The following RCSD1 variants were observed in gnomAD, a reference collection of about 807,000 sequenced individuals.
RCSD1 encodes the protein RCSD domain containing 1.
In RCSD1, 26 loss-of-function variants were observed where a neutral mutation model predicts 42.5. The ratio of observed to expected loss-of-function variants is 0.61; its 90% CI spans 0.45 to 0.85. The LOEUF is 0.85. Ranked by LOEUF, RCSD1 falls within the 40% of genes least tolerant of loss-of-function variation. The pLI is 0.00. For synonymous variants in RCSD1, 220 were observed against 212.2 expected (o/e 1.04, Z -0.32); for missense variants, 571 against 528.3 (o/e 1.08, Z -0.79).
chr1:167,652,386 T>C (rs1013535743), intron 1 of RCSD1, among the ~76,000 whole-genome samples: 1 of 152,064 alleles, frequency 6.6e-6, no homozygotes, highest in Non-Finnish European at 1.5e-5. Context: ...TGGAGAGGAT[T>C]TAAGTTTAAA....
At chr1:167,655,536 G>C (rs931785882) in intron 1 of RCSD1, among the ~76,000 whole-genome samples, 6 of 152,252 alleles carry the variant, frequency 3.9e-5, no homozygotes, top group African/African-American at 7.2e-5. Context: ...TGACCTGCGT[G>C]TGCCATCCCA....
Position 167,705,061 on chromosome 1 carries a change from GCT to G in RCSD1, c.*366_*367del. 1 of 115,084 alleles carries G rather than the reference GCT, an allele frequency of 8.7e-6. No individual in the cohort carries two copies. Among genetic ancestry groups the G allele is most frequent in the Non-Finnish European group, 1.9e-5 (1 of 52,218 alleles). The allele number at this position is 115,084 out of a possible 1,614,324, so 7.1% of individuals were successfully genotyped here. A position where few individuals can be genotyped will look rare whatever the true frequency, so the allele number is the denominator to read the frequency against. ...CCCACCTATCCCTGCAGCTAATTTA[GCT>G]GATCTCTAATTTAACTGAGCTCTAA... On this transcript the variant is annotated 3_prime_UTR_variant, in exon 7 of 7. Transcript: ENST00000367854.
At chr1:167,636,325 T>C (rs1657849774) in intron 1 of RCSD1, among the ~76,000 whole-genome samples, 1 of 152,096 alleles carries the variant, frequency 6.6e-6, no homozygotes, top group South Asian at 2.1e-4. Flanking sequence ...CCTTAATGAA[T>C]AGTATTAGAA....
intron 1 of RCSD1, among the ~76,000 whole-genome samples, chr1:167,682,283 C>T (rs1659100599): frequency 6.6e-6 from 1 of 151,912 alleles, no homozygotes; most frequent in African/African-American, 2.4e-5. Context: ...AATTCTCCTG[C>T]CTCAGCCTCC....
At chr1:167,656,774 T>G (rs761955749) in intron 1 of RCSD1, among the ~76,000 whole-genome samples, 1 of 152,186 alleles carries the variant, frequency 6.6e-6, no homozygotes, top group African/African-American at 2.4e-5. Flanking sequence ...GGAAACAAGC[T>G]ACAAAGCTGG....
At chr1:167,689,919 G>C in intron 3 of RCSD1, 130 bp from the exon 4 acceptor site, 2 of 785,196 alleles carry the variant, frequency 2.5e-6, no homozygotes, top group East Asian at 2.5e-5. Context: ...AAGTATGTGG[G>C]CTACTGAACT....
intron 1 of RCSD1, among the ~76,000 whole-genome samples, chr1:167,671,424 A>T (rs1658803750): frequency 6.6e-6 from 1 of 151,982 alleles, no homozygotes; most frequent in African/African-American, 2.4e-5. Flanking sequence ...CTTTCTTGCC[A>T]TTTCACCCCG....
At chr1:167,683,124 C>T (rs572187404) in intron 1 of RCSD1, among the ~76,000 whole-genome samples, 1 of 152,354 alleles carries the variant, frequency 6.6e-6, no homozygotes, top group African/African-American at 2.4e-5. Context: ...AATGGAGGGA[C>T]AGCCACGGTA....
At chr1:167,666,385 C>T (rs1292232834) in intron 1 of RCSD1, among the ~76,000 whole-genome samples, 1 of 152,236 alleles carries the variant, frequency 6.6e-6, no homozygotes, top group Non-Finnish European at 1.5e-5. Flanking sequence ...GCACAATAAT[C>T]ATTCAGTAAA....
rs554484012 is a variant in RCSD1, at chr1:167,643,797, T to G, written c.6+13368T>G. ...GTCGGTGGTTGTGTAAAGTGCTTAG[T>G]GCGTTGCACATATTAGGTGTGATGT... On this transcript the variant is annotated intron_variant, in intron 1 of 6. Coordinates refer to ENST00000367854, the MANE Select transcript of RCSD1 (RefSeq NM_052862.4). Among the ~76,000 whole-genome samples, 6 of 152,360 alleles carry G rather than the reference T, an allele frequency of 3.9e-5. No homozygotes were observed. The South Asian group carries it at 1.2e-3, about 32-fold the overall frequency.
chr1:167,658,870 T>C (rs1169990930), intron 1 of RCSD1, among the ~76,000 whole-genome samples: 1 of 152,184 alleles, frequency 6.6e-6, no homozygotes, highest in Non-Finnish European at 1.5e-5. Flanking sequence ...CATGGCTGTG[T>C]ACGCTAGCAT....
chr1:167,673,815 C>CA (rs2102223868), intron 1 of RCSD1, among the ~76,000 whole-genome samples: 1 of 152,352 alleles, frequency 6.6e-6, no homozygotes, highest in East Asian at 1.9e-4. Context: ...GTGCCTACAA[C>CA]ATGCCTTCCT....
intron 3 of RCSD1, among the ~76,000 whole-genome samples, chr1:167,688,849 A>T (rs1345851202): frequency 6.6e-6 from 1 of 152,104 alleles, no homozygotes; most frequent in Non-Finnish European, 1.5e-5. Context: ...CTATGGGGAG[A>T]TCCCTCCTCT....
At chr1:167,660,724 T>G (rs904810255) in intron 1 of RCSD1, among the ~76,000 whole-genome samples, 4 of 152,220 alleles carry the variant, frequency 2.6e-5, no homozygotes, top group African/African-American at 4.8e-5. Flanking sequence ...TCCTTCTGAC[T>G]TGGCCTCCCA....
At chr1:167,670,359 A>AAG (rs974054848) in intron 1 of RCSD1, among the ~76,000 whole-genome samples, 1 of 148,316 alleles carries the variant, frequency 6.7e-6, no homozygotes, top group African/African-American at 2.5e-5. Context: ...TTGCAAAAGA[A>AAG]AAAAAAAAAA....
chr1:167,704,687 T>C lies in RCSD1; in HGVS notation c.1242T>C (p.Thr414=), dbSNP rs185863570. ...AGGATGACACTCCTGTCCAGGACAC[T>C]AAAATGTGAAGAACAGCTCATTGTG... ...KPEDDTPVQD[T]KM is the part of the protein sequence containing the mutation. Residue 414 remains threonine, a synonymous_variant, in exon 7 of 7, where the codon ACT becomes ACC. Transcript: ENST00000367854. The C allele has an allele frequency of 6.2e-7, 1 of 1,612,946 alleles. No homozygotes were observed. Among genetic ancestry groups the C allele is most frequent in the East Asian group, 2.2e-5 (1 of 44,868 alleles).
At chr1:167,686,864 G>A (rs78264466) in intron 3 of RCSD1, among the ~76,000 whole-genome samples, 2,440 of 152,318 alleles carry the variant, frequency 0.016, 66 homozygotes, top group African/African-American at 0.056. Flanking sequence ...CCCCCTGATA[G>A]CCTGGGCTTG....
Position 167,697,405 on chromosome 1 carries a change from G to T in RCSD1, c.781G>T (p.Gly261Cys). 1 of 1,613,384 alleles carries T rather than the reference G, an allele frequency of 6.2e-7. No individual in the cohort carries two copies. The highest frequency in any genetic ancestry group is 1.1e-5 in the South Asian group (1 of 90,992). Residue 261 changes from glycine to cysteine, a missense_variant, in exon 6 of 7, where the codon GGT becomes TGT. By Grantham distance (159) the Gly-to-Cys change is radical. Coordinates refer to ENST00000367854, the MANE Select transcript of RCSD1 (RefSeq NM_052862.4). ...CAGGGCCACAGAGGAAGCCAAGAAC[G>T]GTGAAAAGGCCAGGCGGAGTTCAGA... ...EDRATEEAKN[G>C]EKARRSSEEV... is the part of the protein sequence containing the mutation.
At chr1:167,635,137 C>T (rs943632471) in intron 1 of RCSD1, among the ~76,000 whole-genome samples, 8 of 152,170 alleles carry the variant, frequency 5.3e-5, no homozygotes, top group Non-Finnish European at 1.0e-4. Context: ...TGATATTTCA[C>T]CGTGAAACAC....
Sources: gnomAD v4.1 joint callset for allele counts (sites outside exome capture counted in the v4.1 genomes callset) on GRCh38, gnomAD v4.1.1 for gene constraint, MANE v1.5 for transcripts, NCBI Gene and HGNC (gene_info 2026-07-23, HGNC 2026-07-21) for gene names.